TRIM66: variants seen among roughly 807,000 people sequenced by gnomAD.
The protein encoded by TRIM66 is tripartite motif containing 66.
Under a neutral mutation model 148.2 loss-of-function variants are expected in TRIM66, and 99 were observed. The observed-to-expected ratio is 0.67, with a 90% CI of 0.57 to 0.79. TRIM66 has a LOEUF of 0.79. Among genes scored for constraint, TRIM66 ranks in the 30% least tolerant of loss-of-function variants. The pLI is 0.00. For missense variants in TRIM66, 1,666 were observed against 1,697.9 expected, an observed-to-expected ratio of 0.98 and a Z score of 0.33; for synonymous variants, 616 against 635.9, an observed-to-expected ratio of 0.97 and a Z score of 0.47.
Position 8,618,963 on chromosome 11 carries a change from G to A in TRIM66, c.3906C>T (p.Asp1302=), listed in dbSNP as rs986317268. Residue 1302 remains aspartate (D), a synonymous_variant, in exon 24 of 25, where the codon GAC becomes GAT. Coordinates refer to ENST00000646038, the MANE Select transcript of TRIM66 (RefSeq NM_001388022.1). The part of the protein sequence containing the change: ...FWNCAKFNYP[D]SEVAEAGRCL... ...AGCGGCCAGCCTCTGCAACCTCGGAGTCAGGCTGATGGGGGAGGAGAGCAG... is the reference window on the plus strand; with the variant it reads ...AGCGGCCAGCCTCTGCAACCTCGGAATCAGGCTGATGGGGGAGGAGAGCAG... The A allele has an allele frequency of 5.2e-6, 8 of 1,551,404 alleles. No individual in the cohort carries two copies. In the South Asian group the frequency reaches 8.3e-5, roughly 16 times the overall value.
intron 10 of TRIM66, 41 bp downstream of exon 10, chr11:8,647,929 C>G (rs1318232755): frequency 6.8e-7 from 1 of 1,464,232 alleles, no homozygotes; most frequent in East Asian, 2.5e-5. Context: ...TGTGCGGGAA[C>G]AGAGCATTTC....
chr11:8,668,313 A>AGGG (rs2038724671), intron 6 of TRIM66, among the ~76,000 whole-genome samples: 1 of 151,880 alleles, frequency 6.6e-6, no homozygotes, highest in Admixed American at 6.6e-5. Context: ...TATTCTAGAT[A>AGGG]TTAACCCAAC....
In TRIM66 at chr11:8,638,699, T is replaced by C; in HGVS notation, c.2265A>G (p.Pro755=). The C allele has an allele frequency of 1.3e-6, 2 of 1,549,548 alleles. No homozygotes were observed. Among genetic ancestry groups the C allele is most frequent in the Non-Finnish European group, 8.7e-7 (1 of 1,146,174 alleles). ...AGGAGTGCTGGATGGTGCTGTCCAC[T>C]GGGGGGACACTGAGAGGGGTTTCTT... The part of the protein sequence containing the change: ...SGEETPLSVP[P]VDSTIQHSSP... Residue 755 remains proline, a synonymous_variant, in exon 15 of 25, where the codon CCA becomes CCG. Transcript: ENST00000646038.
At chr11:8,682,781 C>A, upstream of TRIM66, 1 of 1,613,442 alleles carries the variant, frequency 6.2e-7, no homozygotes, top group Non-Finnish European at 8.5e-7. Context: ...CGAGACTTGG[C>A]GAAGGCCTTC....
intron 4 of TRIM66, 148 bp from the exon 5 acceptor site, chr11:8,672,533 A>G: frequency 2.4e-6 from 2 of 831,918 alleles, no homozygotes; most frequent in Non-Finnish European, 3.4e-6. Flanking sequence ...AGTGTTAGAG[A>G]GGCTGGGTCA....
In TRIM66 at chr11:8,648,016, G is replaced by A; in HGVS notation, c.796C>T (p.His266Tyr). The A allele has an allele frequency of 1.3e-6, 2 of 1,551,786 alleles. No individual in the cohort carries two copies. Among genetic ancestry groups the A allele is most frequent in the Non-Finnish European group, 1.7e-6 (2 of 1,147,020 alleles). ...LLEGVTTQVA[H>Y]KKSSLQTSAK... is the part of the protein sequence containing the mutation. ...GATGTCTGTAGACTGGATTTCTTAT[G>A]TGCCACCTGTGTAGTCACACCTTCC... The change falls in exon 10 of 25, where the codon CAT becomes TAT. Residue 266 changes from histidine (H) to tyrosine (Y), a missense_variant. Physicochemically the swap from His to Tyr is moderately conservative, Grantham distance 83. Around this residue, in one of 3 missense-constraint regions of TRIM66, gnomAD observed 1,431 missense variants for 1,412.4 expected, o/e 1.01. Coordinates refer to ENST00000646038, the MANE Select transcript of TRIM66 (RefSeq NM_001388022.1).
rs1565523175 is a variant in TRIM66 at position 8,643,119 on chromosome 11, AAC to A, written c.1110_1111del (p.Phe371SerfsTer11). On this transcript the variant is annotated frameshift_variant, in exon 13 of 25. Coordinates refer to ENST00000646038, the MANE Select transcript of TRIM66 (RefSeq NM_001388022.1). LOFTEE classifies it high-confidence loss of function. ...TGTCTCCAGCAATCGCTGCATCTGA[AAC>A]ACAATCTGACAACAGCACCAAAGGT... The A allele has an allele frequency of 1.3e-6, 2 of 1,550,664 alleles. No homozygotes were observed. Among genetic ancestry groups the A allele is most frequent in the East Asian group, 4.9e-5 (2 of 40,836 alleles).
In TRIM66 at chr11:8,617,730, C is replaced by G; in HGVS notation, c.*214G>C. On this transcript the variant is annotated 3_prime_UTR_variant, in exon 25 of 25. Coordinates refer to ENST00000646038, the MANE Select transcript of TRIM66 (RefSeq NM_001388022.1). ...TTACTCTGGTAATAATAAATACCTT[C>G]CTCTTTCCTGTTTATTACTGAAATC... 1.8e-6 allele frequency: 1 copy of G among 551,158 alleles called. No homozygotes were observed. 34.1% of individuals were successfully genotyped at this position (551,158 alleles called of 1,614,324 possible).
chr11:8,658,572 T>C (rs1197779660), intron 6 of TRIM66, among the ~76,000 whole-genome samples: 2 of 152,142 alleles, frequency 1.3e-5, no homozygotes, highest in African/African-American at 2.4e-5. Flanking sequence ...GGGGACCCCC[T>C]GTTTATACGT....
intron 24 of TRIM66, 61 bp downstream of exon 24, chr11:8,618,689 G>T: frequency 6.9e-7 from 1 of 1,446,336 alleles, no homozygotes. Flanking sequence ...GGTTCTGCTT[G>T]GGTGCCCCTC....
chr11:8,633,497 T>TA (rs2035604658), intron 15 of TRIM66, among the ~76,000 whole-genome samples: 1 of 151,586 alleles, frequency 6.6e-6, no homozygotes, highest in Non-Finnish European at 1.5e-5. Flanking sequence ...ACAGGCTTCT[T>TA]AGAGTGTGCT....
intron 15 of TRIM66, among the ~76,000 whole-genome samples, chr11:8,638,267 C>A (rs1436408154): frequency 6.6e-6 from 1 of 152,180 alleles, no homozygotes. Flanking sequence ...GCTGTAAGGC[C>A]CTGGACTTCA....
In TRIM66 at chr11:8,651,892, A is replaced by G; in HGVS notation, c.352T>C (p.Cys118Arg). Residue 118 changes from cysteine to arginine, a missense_variant, in exon 7 of 25, where the codon TGT (cysteine) becomes CGT (arginine). This residue lies in a region of TRIM66 where 1,431 missense variants were observed against 1,412.4 expected (regional missense o/e 1.01). Transcript: ENST00000646038. Reference protein sequence around the residue: ...HETVADELISCPGCERVYLTR... With the variant: ...HETVADELISRPGCERVYLTR... ...AGATATACTCGTTCACACCCAGGAC[A>G]GGAGATGAGCTCTGTGCAAGAAAGA... The G allele has an allele frequency of 6.4e-7, 1 of 1,551,448 alleles. No individual in the cohort carries two copies. The highest frequency in any genetic ancestry group is 8.7e-7 in the Non-Finnish European group (1 of 1,146,806).
chr11:8,638,596 T>TGGGG, intron 15 of TRIM66, 58 bp downstream of exon 15: 1 of 1,521,912 alleles, frequency 6.6e-7, no homozygotes, highest in Non-Finnish European at 8.8e-7. Context: ...TCCAAGTGCC[T>TGGGG]GGGGTCTTGG....
intron 6 of TRIM66, among the ~76,000 whole-genome samples, chr11:8,661,068 T>G (rs958372978): frequency 1.3e-5 from 2 of 152,152 alleles, no homozygotes; most frequent in Non-Finnish European, 2.9e-5. Flanking sequence ...GAGGGAGTGA[T>G]CAGGGTCAAA....
rs2038960848 is a variant in TRIM66 at position 8,672,007 on chromosome 11, A to G, written c.119T>C (p.Met40Thr). 2 of 1,536,024 alleles carry G rather than the reference A, an allele frequency of 1.3e-6. No homozygotes were observed. Among genetic ancestry groups the G allele is most frequent in the South Asian group, 2.4e-5 (2 of 84,056 alleles). ...PVLGTGMAVDMGMSFMGLPLA... is the reference protein window; with the variant it reads ...PVLGTGMAVDTGMSFMGLPLA... ...TGGCAGCCCCATAAAGCTCATGCCC[A>G]TGTCCACAGCCATGCCTGTGCCCAG... The change falls in exon 6 of 25, where the codon ATG becomes ACG. Residue 40 changes from methionine to threonine, a missense_variant. Physicochemically the swap from Met to Thr is moderately conservative, Grantham distance 81 (BLOSUM62 -1). Around this residue, in one of 3 missense-constraint regions of TRIM66, gnomAD observed 1,431 missense variants for 1,412.4 expected, o/e 1.01. Transcript: ENST00000646038.
At chr11:8,650,245 T>C (rs893011455) in intron 7 of TRIM66, among the ~76,000 whole-genome samples, 1 of 152,050 alleles carries the variant, frequency 6.6e-6, no homozygotes, top group Admixed American at 6.6e-5. Flanking sequence ...TGGTGGCACA[T>C]GCCTGTAGTC....
At chr11:8,630,386 G>T (rs141312143) in intron 15 of TRIM66, among the ~76,000 whole-genome samples, 1 of 152,352 alleles carries the variant, frequency 6.6e-6, no homozygotes, top group South Asian at 2.1e-4. Context: ...TATAAAGTAC[G>T]TAGAGGGTTA....
intron 6 of TRIM66, among the ~76,000 whole-genome samples, chr11:8,655,811 TA>T (rs998806646): frequency 7.2e-4 from 107 of 149,466 alleles, no homozygotes; most frequent in Middle Eastern, 3.4e-3. Context: ...AATAAAAAAT[TA>T]AAAAAAAAAT....
Sources: gnomAD v4.1 joint callset for allele counts (sites outside exome capture counted in the v4.1 genomes callset) on GRCh38, gnomAD v4.1.1 for gene constraint, gnomAD v4.1.1 regional missense constraint, MANE v1.5 for transcripts, NCBI Gene and HGNC (gene_info 2026-07-23, HGNC 2026-07-21) for gene names.